Variants in ANKS1A observed in about 807,000 individuals in gnomAD.
ANKS1A encodes ankyrin repeat and sterile alpha motif domain containing 1A, also known as ankyrin repeat and SAM domain-containing protein 1A.
A neutral mutation model predicts 120.3 loss-of-function variants in ANKS1A; 55 were observed. The ratio of observed to expected loss-of-function variants is 0.46; its 90% CI spans 0.37 to 0.57. The LOEUF (loss-of-function observed/expected upper bound fraction) is 0.57, where lower values mean the gene tolerates loss of function less well. Ranked by LOEUF, ANKS1A falls within the 20% of genes least tolerant of loss-of-function variation. The pLI is 0.00. For synonymous variants in ANKS1A, 590 were observed against 604.7 expected (o/e 0.98, Z 0.36); for missense variants, 1,123 against 1,480.3 (o/e 0.76, Z 3.96).
chr6:34,989,321 A>G lies in ANKS1A; in HGVS notation c.1302+5A>G, dbSNP rs979660148. ...TTTCCCTTGACAGCTTCTGAGGTAG[A>G]GGGTTGTGGGTTTATTCCCCATTGC... On this transcript the variant is annotated splice_donor_5th_base_variant and intron_variant, in intron 9 of 23. Coordinates refer to ENST00000360359, the MANE Select transcript of ANKS1A (RefSeq NM_015245.3). The G allele has an allele frequency of 6.2e-7, 1 of 1,613,062 alleles. No individual in the cohort carries two copies. Among genetic ancestry groups the G allele is most frequent in the Non-Finnish European group, 8.5e-7 (1 of 1,179,482 alleles).
intron 10 of ANKS1A, 28 bp downstream of exon 10, chr6:34,994,450 C>T (rs752305203): frequency 6.2e-7 from 1 of 1,605,168 alleles, no homozygotes; most frequent in South Asian, 1.1e-5. Flanking sequence ...CCTGGCAGAA[C>T]CAACTCCAAA....
At chr6:34,988,772 T>A (rs1772350997) in intron 8 of ANKS1A, among the ~76,000 whole-genome samples, 1 of 152,230 alleles carries the variant, frequency 6.6e-6, no homozygotes, top group Non-Finnish European at 1.5e-5. Flanking sequence ...CCTTGATTAC[T>A]TTCCTCATTA....
intron 1 of ANKS1A, among the ~76,000 whole-genome samples, chr6:34,909,934 A>G (rs1420540030): frequency 8.5e-5 from 13 of 152,220 alleles, no homozygotes; most frequent in Admixed American, 7.8e-4. Context: ...GACTGCAGGT[A>G]ACTGCCTGGT....
rs895835691 is a variant in ANKS1A at position 35,055,168 on chromosome 6, T to C, written c.2077+1003T>C. ...ACCACGGGGCCTGGTGGGGACGGGC[T>C]GGGCTCTGGAGCCTCACAGCCCTGG... On this transcript the variant is annotated intron_variant, in intron 12 of 23. Transcript: ENST00000360359. Among the ~76,000 whole-genome samples the C allele has an allele frequency of 1.1e-4, 17 of 152,194 alleles. No individual in the cohort carries two copies. The South Asian group carries it at 1.4e-3, about 13-fold the overall frequency.
intron 1 of ANKS1A, among the ~76,000 whole-genome samples, chr6:34,928,422 C>T (rs1768821489): frequency 6.6e-6 from 1 of 152,192 alleles, no homozygotes; most frequent in Non-Finnish European, 1.5e-5. Context: ...CTGGTTTCCC[C>T]CAGGCCAAGG....
chr6:34,960,167 C>T (rs761329238), intron 1 of ANKS1A, among the ~76,000 whole-genome samples: 10 of 152,184 alleles, frequency 6.6e-5, no homozygotes, highest in Non-Finnish European at 4.4e-5. Context: ...CAGACCCCCT[C>T]ACGGCTCTTT....
chr6:35,032,285 A>G (rs1015369438), intron 11 of ANKS1A, among the ~76,000 whole-genome samples: 2 of 152,182 alleles, frequency 1.3e-5, no homozygotes, highest in Admixed American at 1.3e-4. Context: ...CCCAGTAAAC[A>G]GTGTTGGGGC....
rs773490680 is a variant in ANKS1A at position 35,060,142 on chromosome 6, A to G, written c.2078-5A>G. ...TCAAGCGTCTGCCGATTCCTCTCTC[A>G]TCAGGTTTACGGACGCTGGAGCAGA... On this transcript the variant is annotated splice_region_variant and splice_polypyrimidine_tract_variant and intron_variant, in intron 12 of 23. Transcript: ENST00000360359. The surrounding 1 kb of genome is among the most constrained non-coding windows in gnomAD (Gnocchi z 4.5). 1 of 1,612,450 alleles carries G rather than the reference A, an allele frequency of 6.2e-7. No homozygotes were observed. The highest frequency in any genetic ancestry group is 8.5e-7 in the Non-Finnish European group (1 of 1,179,184).
chr6:34,967,568 C>T (rs935144606), intron 2 of ANKS1A, among the ~76,000 whole-genome samples: 1 of 151,160 alleles, frequency 6.6e-6, no homozygotes, highest in Non-Finnish European at 1.5e-5. Flanking sequence ...GGCGTGGTAG[C>T]ATGCCTGAAG....
At chr6:34,964,499 T>A (rs938858270) in intron 1 of ANKS1A, among the ~76,000 whole-genome samples, 2 of 152,230 alleles carry the variant, frequency 1.3e-5, no homozygotes. Context: ...CGTCGCTTTC[T>A]TATAACATGG....
In ANKS1A at chr6:35,017,538, G is replaced by GAGC; in HGVS notation, c.1492_1494dup (p.Gln498dup). 6.2e-7 allele frequency: 1 copy of GAGC among 1,614,054 alleles called. No individual in the cohort carries two copies. The highest frequency in any genetic ancestry group is 2.2e-5 in the East Asian group (1 of 44,882). On this transcript the variant is annotated inframe_insertion, in exon 11 of 24. Coordinates refer to ENST00000360359, the MANE Select transcript of ANKS1A (RefSeq NM_015245.3). ...GGAGGGGCAGGACGGGCAGGTCCCA[G>GAGC]AGCAGTTCTCAGGCCTCCTCCACGG...
At chr6:35,087,761 G>A (rs1358857741) in intron 23 of ANKS1A, among the ~76,000 whole-genome samples, 1 of 152,256 alleles carries the variant, frequency 6.6e-6, no homozygotes. Context: ...CGTGCTGACT[G>A]CCCCACTTGG....
At chr6:35,070,484 C>CTTTTTTTTTT (rs869249276) in intron 13 of ANKS1A, among the ~76,000 whole-genome samples, 2 of 62,970 alleles carry the variant, frequency 3.2e-5, no homozygotes, top group Non-Finnish European at 5.7e-5. Flanking sequence ...AAGCCTTTAT[C>CTTTTTTTTTT]TTTTTTTTTT....
chr6:35,033,759 A>G (rs909899399), intron 11 of ANKS1A, among the ~76,000 whole-genome samples: 2 of 152,228 alleles, frequency 1.3e-5, no homozygotes, highest in East Asian at 1.9e-4. Context: ...ATTGATCTCA[A>G]TGAAGAACGA....
intron 10 of ANKS1A, among the ~76,000 whole-genome samples, chr6:35,000,089 G>A (rs940631548): frequency 3.3e-5 from 5 of 152,006 alleles, no homozygotes; most frequent in Non-Finnish European, 7.4e-5. Context: ...GGTATTCTTC[G>A]TAACCCTGTA....
At chr6:35,074,103 T>A (rs1777218781) in intron 13 of ANKS1A, among the ~76,000 whole-genome samples, 1 of 152,268 alleles carries the variant, frequency 6.6e-6, no homozygotes, top group South Asian at 2.1e-4. Flanking sequence ...AGGGCCTGTC[T>A]CCGGCGGATC....
chr6:35,015,560 T>A lies in ANKS1A; in HGVS notation c.1424-1913T>A, dbSNP rs976019852. On this transcript the variant is annotated intron_variant, in intron 10 of 23. Transcript: ENST00000360359. ...CAAAGTTGGTGCTTCTGTGCTCCTG[T>A]GGATAAGTAATCAGAGCCATAAAGT... Among the ~76,000 whole-genome samples, 4 of 152,004 alleles carry A rather than the reference T, an allele frequency of 2.6e-5. No homozygotes were observed. The East Asian group carries it at 5.8e-4, about 22-fold the overall frequency.
intron 1 of ANKS1A, among the ~76,000 whole-genome samples, chr6:34,914,946 C>T (rs759792649): frequency 2.5e-4 from 38 of 152,160 alleles, no homozygotes; most frequent in Non-Finnish European, 4.1e-4. Flanking sequence ...CTTAAGAGAA[C>T]GTGGACTTTG....
At chr6:35,059,665 G>A (rs868551481) in intron 12 of ANKS1A, among the ~76,000 whole-genome samples, 3 of 152,166 alleles carry the variant, frequency 2.0e-5, no homozygotes, top group Admixed American at 6.5e-5. Flanking sequence ...CCCTCGCCAC[G>A]GCCCCACAGG....
Sources: allele counts gnomAD v4.1 joint callset (sites outside exome capture counted in the v4.1 genomes callset), GRCh38; gene constraint gnomAD v4.1.1; non-coding constraint Gnocchi (gnomAD v3.1); transcripts MANE v1.5; gene names NCBI Gene and HGNC (gene_info 2026-07-23, HGNC 2026-07-21).